The following SEMA3D variants were observed in gnomAD, a reference collection of about 807,000 sequenced individuals.
SEMA3D encodes semaphorin-3D.
Under a neutral mutation model 100.1 loss-of-function variants are expected in SEMA3D, and 84 were observed. The observed-to-expected ratio is 0.84, with a 90% CI of 0.70 to 1.01. The LOEUF (loss-of-function observed/expected upper bound fraction) is 1.01, where lower values mean the gene tolerates loss of function less well. Ranked by LOEUF, SEMA3D falls within the 50% of genes least tolerant of loss-of-function variation. SEMA3D has a pLI of 0.00. For missense variants in SEMA3D, 875 were observed against 934.1 expected, an observed-to-expected ratio of 0.94 and a Z score of 0.82; for synonymous variants, 312 against 320.7, an observed-to-expected ratio of 0.97 and a Z score of 0.29.
chr7:85,027,248 A>G (rs1790416134), intron 12 of SEMA3D, among the ~76,000 whole-genome samples: 5 of 152,080 alleles, frequency 3.3e-5, no homozygotes, highest in Admixed American at 3.3e-4. Flanking sequence ...TAATTTTTCA[A>G]TGACTCTTAC....
rs1004792133 is a variant in SEMA3D at position 85,068,220 on chromosome 7, G to A, written c.560C>T (p.Pro187Leu). ...ESGRLKCPFDPQQPFASVMTD... is the reference protein window; with the variant it reads ...ESGRLKCPFDLQQPFASVMTD... ...CATTACTGAAGCAAAAGGCTGCTGA[G>A]GATCGAAAGGACATTTCAGTCTGCC... is the stretch of plus-strand genomic sequence containing the variant. The change falls in exon 7 of 19, where the codon CCT (proline) becomes CTT (leucine). Residue 187 changes from proline to leucine, a missense_variant. Pro to Leu is a moderately conservative substitution (Grantham distance 98, BLOSUM62 -3). Transcript: ENST00000284136. The A allele has an allele frequency of 6.2e-7, 1 of 1,606,226 alleles. No individual in the cohort carries two copies.
chr7:85,005,579 C>T (rs1010548525), intron 18 of SEMA3D, among the ~76,000 whole-genome samples: 4 of 151,994 alleles, frequency 2.6e-5, no homozygotes, highest in African/African-American at 4.8e-5. Context: ...CTTCATGTAA[C>T]AGTAGAGCTA....
the SEMA3D span, among the ~76,000 whole-genome samples, chr7:85,239,571 G>A: frequency 2.8e-4 from 42 of 152,188 alleles, no homozygotes; most frequent in African/African-American, 8.4e-4. Context: ...CCTGAGAGTC[G>A]ACATTTCTAT....
chr7:85,150,415 TACAC>T (rs942751164), intron 2 of SEMA3D, among the ~76,000 whole-genome samples: 10 of 132,840 alleles, frequency 7.5e-5, no homozygotes, highest in South Asian at 2.3e-4. Context: ...TATATATATA[TACAC>T]ACACACACAT....
chr7:85,190,643 G>GA (rs1208751549), upstream of SEMA3D, among the ~76,000 whole-genome samples: 1 of 151,710 alleles, frequency 6.6e-6, no homozygotes, highest in Non-Finnish European at 1.5e-5. Context: ...TAATGGTGGG[G>GA]AAAAAAACAC....
intron 17 of SEMA3D, 34 bp from the exon 18 acceptor site, chr7:85,006,975 T>C: frequency 1.3e-6 from 2 of 1,571,710 alleles, no homozygotes; most frequent in Non-Finnish European, 1.7e-6. Context: ...AGATTAACCT[T>C]GACCTGATTT....
chr7:85,151,273 G>A (rs949958801), intron 2 of SEMA3D, among the ~76,000 whole-genome samples: 1 of 151,832 alleles, frequency 6.6e-6, no homozygotes, highest in Non-Finnish European at 1.5e-5. Context: ...TCCTTAATTT[G>A]GGCTTGTATA....
chr7:85,238,993 T>C, the SEMA3D span, among the ~76,000 whole-genome samples: 2 of 152,146 alleles, frequency 1.3e-5, no homozygotes, highest in African/African-American at 4.8e-5. Context: ...ATTTTCTAAA[T>C]TGTATTTATT....
the SEMA3D span, among the ~76,000 whole-genome samples, chr7:85,207,313 C>T: frequency 1.3e-5 from 2 of 151,966 alleles, no homozygotes; most frequent in African/African-American, 4.8e-5. Context: ...CAAGATGTTT[C>T]AATGGGGTAG....
intron 3 of SEMA3D, among the ~76,000 whole-genome samples, chr7:85,117,245 G>T (rs1305410850): frequency 2.0e-5 from 3 of 152,148 alleles, no homozygotes; most frequent in Admixed American, 6.6e-5. Flanking sequence ...ATGCCAGCCA[G>T]ATCCTTACTG....
chr7:85,016,097 T>C (rs1790092476), intron 15 of SEMA3D, among the ~76,000 whole-genome samples: 1 of 151,810 alleles, frequency 6.6e-6, no homozygotes, highest in East Asian at 1.9e-4. Context: ...TAAGACTTCC[T>C]AGTTGTTAAA....
intron 4 of SEMA3D, among the ~76,000 whole-genome samples, chr7:85,089,606 G>A (rs1016830046): frequency 9.9e-5 from 15 of 152,158 alleles, no homozygotes; most frequent in African/African-American, 3.6e-4. Context: ...AAGGCCGGGT[G>A]CCATGGCTCA....
intron 1 of SEMA3D, among the ~76,000 whole-genome samples, chr7:85,161,675 A>G (rs1285490851): frequency 6.6e-6 from 1 of 152,096 alleles, no homozygotes; most frequent in African/African-American, 2.4e-5. Context: ...TTACTTAACC[A>G]TATGTTGCAT....
chr7:85,150,853 A>G (rs1326441771), intron 2 of SEMA3D, among the ~76,000 whole-genome samples: 1 of 152,038 alleles, frequency 6.6e-6, no homozygotes, highest in African/African-American at 2.4e-5. Flanking sequence ...GACTTTCTTT[A>G]CATTGAATTC....
intron 12 of SEMA3D, chr7:85,028,957 C>A: frequency 3.4e-6 from 1 of 294,982 alleles, no homozygotes; most frequent in East Asian, 8.7e-5. Context: ...GCTGTCCAGG[C>A]AGCCGTCCTA....
At chr7:85,042,114 A>C in intron 10 of SEMA3D, 57 bp downstream of exon 10, 2 of 1,164,650 alleles carry the variant, frequency 1.7e-6, no homozygotes, top group Non-Finnish European at 2.6e-6. Flanking sequence ...AATAAATGCC[A>C]AGTTACTTAA....
At position 85,036,783 on chromosome 7, in the gene SEMA3D, T is replaced by C. The variant is rs1297792484; in HGVS notation, c.1191+106A>G. 3 of 841,502 alleles carry C rather than the reference T, an allele frequency of 3.6e-6. No individual in the cohort carries two copies. The South Asian group carries it at 6.6e-5, about 19-fold the overall frequency. The allele number at this position is 841,502 out of a possible 1,614,324, so 52.1% of individuals were successfully genotyped here. ...CTAATACTTCACTGCAAATAAATGTTATTACAGCACATGTGGCTCTGGTGA... is the reference window on the plus strand; with the variant it reads ...CTAATACTTCACTGCAAATAAATGTCATTACAGCACATGTGGCTCTGGTGA... On this transcript the variant is annotated intron_variant, in intron 12 of 18. Transcript: ENST00000284136.
intron 1 of SEMA3D, chr7:85,159,937 T>C (rs1010864269): frequency 3.0e-6 from 3 of 984,886 alleles, no homozygotes; most frequent in Non-Finnish European, 3.6e-6. Context: ...CCAACTAGTG[T>C]TCAAGAAACA....
At chr7:85,220,351 T>G in the SEMA3D span, among the ~76,000 whole-genome samples, 1 of 150,206 alleles carries the variant, frequency 6.7e-6, no homozygotes, top group African/African-American at 2.5e-5. Flanking sequence ...TTTTTTTATC[T>G]CTACACAAAT....
Sources: gnomAD v4.1 joint callset for allele counts (sites outside exome capture counted in the v4.1 genomes callset) on GRCh38, gnomAD v4.1.1 for gene constraint, MANE v1.5 for transcripts, NCBI Gene and HGNC (gene_info 2026-07-23, HGNC 2026-07-21) for gene names.